The following THBS2 variants were observed in gnomAD, a reference collection of about 807,000 sequenced individuals.
The protein encoded by THBS2 is thrombospondin-2.
A neutral mutation model predicts 135.2 loss-of-function variants in THBS2; 47 were observed. The observed-to-expected ratio is 0.35, with a 90% CI of 0.28 to 0.44. The LOEUF is 0.44. THBS2 is among the 20% of genes least tolerant of loss of function. The pLI, the probability that THBS2 is intolerant of heterozygous loss-of-function variation, is 1.00. For synonymous variants in THBS2, 639 were observed against 633.8 expected (o/e 1.01, Z -0.12); for missense variants, 1,288 against 1,603.1 (o/e 0.80, Z 3.36).
intron 20 of THBS2, 87 bp downstream of exon 20, chr6:169,221,343 T>C: frequency 8.2e-7 from 1 of 1,220,342 alleles, no homozygotes; most frequent in Non-Finnish European, 1.2e-6. Flanking sequence ...TAGAATTCAC[T>C]TGAGCTTATT....
chr6:169,243,991 T>C (rs1342955703), intron 4 of THBS2, among the ~76,000 whole-genome samples: 1 of 152,222 alleles, frequency 6.6e-6, no homozygotes, highest in Non-Finnish European at 1.5e-5. Flanking sequence ...ACATAACCAG[T>C]GAAGAAGAAG....
chr6:169,224,352 G>A (rs752832593), intron 17 of THBS2, among the ~76,000 whole-genome samples: 8 of 152,162 alleles, frequency 5.3e-5, no homozygotes, highest in Non-Finnish European at 1.2e-4. Context: ...CTGCATGCCC[G>A]AACACGGAGT....
chr6:169,251,513 G>A (rs998545934), intron 1 of THBS2, among the ~76,000 whole-genome samples: 5 of 152,160 alleles, frequency 3.3e-5, no homozygotes, highest in African/African-American at 1.2e-4. Flanking sequence ...AAGCCCGGCT[G>A]GGCGATTAAC....
intron 14 of THBS2, 90 bp from the exon 15 acceptor site, chr6:169,228,371 G>T: frequency 6.9e-7 from 1 of 1,455,532 alleles, no homozygotes; most frequent in Non-Finnish European, 9.3e-7. Context: ...ACTCAAGGTT[G>T]ATGAAAATCA....
chr6:169,249,888 G>A (rs1424396065), intron 2 of THBS2, among the ~76,000 whole-genome samples: 1 of 152,138 alleles, frequency 6.6e-6, no homozygotes, highest in African/African-American at 2.4e-5. Context: ...AAATTAGCCA[G>A]GCATGGTTGT....
At position 169,240,564 on chromosome 6, in the gene THBS2, A is replaced by T. The variant is rs566629607; in HGVS notation, c.920T>A (p.Leu307His). 6.2e-7 allele frequency: 1 copy of T among 1,613,990 alleles called. No individual in the cohort carries two copies. Among genetic ancestry groups the T allele is most frequent in the African/African-American group, 1.3e-5 (1 of 75,040 alleles). The stretch of plus-strand genomic sequence containing the variant: ...CCTTGTCTTAGGAGGGCCACCAATG[A>T]GCTCCCAGAGAAACTGGTTATCATT... ...VSNDNQFLWE[L>H]IGGPPKTRNM... The change falls in exon 6 of 22, where the codon CTC becomes CAC. Residue 307 changes from leucine to histidine, a missense_variant. Leu to His is a moderately conservative substitution (Grantham distance 99). Coordinates refer to ENST00000617924, the MANE Select transcript of THBS2 (RefSeq NM_003247.5).
chr6:169,237,450 A>G, intron 8 of THBS2, 104 bp from the exon 9 acceptor site: 1 of 1,498,394 alleles, frequency 6.7e-7, no homozygotes, highest in South Asian at 1.2e-5. Context: ...GCTGCTGAGG[A>G]GAGGGAAGGA....
chr6:169,249,351 T>C (rs1780679684), intron 2 of THBS2, among the ~76,000 whole-genome samples: 1 of 152,204 alleles, frequency 6.6e-6, no homozygotes, highest in Non-Finnish European at 1.5e-5. Context: ...CTTGACATCC[T>C]GGCACATGTC....
At chr6:169,244,498 A>G (rs986289936) in intron 4 of THBS2, among the ~76,000 whole-genome samples, 1 of 152,106 alleles carries the variant, frequency 6.6e-6, no homozygotes, top group South Asian at 2.1e-4. Flanking sequence ...TGTGATTAGG[A>G]ACACCGCGAA....
intron 13 of THBS2, among the ~76,000 whole-genome samples, chr6:169,231,349 G>T (rs1273824647): frequency 1.3e-5 from 2 of 152,226 alleles, no homozygotes; most frequent in East Asian, 1.9e-4. Context: ...AGCGACGCCT[G>T]AGCCAGAGAA....
At position 169,222,305 on chromosome 6, in the gene THBS2, C is replaced by T. The variant is rs767259943; in HGVS notation, c.3165G>A (p.Thr1055=). The stretch of plus-strand genomic sequence containing the variant: ...ACACGCCGGAGTAGCCATAGGCCCG[C>T]GTGGGCTGGTCCTCCCAGTAGGTCT... ...VTQTYWEDQP[T]RAYGYSGVSL... Residue 1055 remains threonine (T), a synonymous_variant, in exon 19 of 22, where the codon ACG becomes ACA. Coordinates refer to ENST00000617924, the MANE Select transcript of THBS2 (RefSeq NM_003247.5). The T allele has an allele frequency of 1.4e-5, 23 of 1,613,372 alleles. No homozygotes were observed. Among genetic ancestry groups the T allele is most frequent in the Admixed American group, 3.3e-5 (2 of 60,006 alleles).
At chr6:169,242,023 A>G in intron 4 of THBS2, 65 bp from the exon 5 acceptor site, 6 of 1,532,380 alleles carry the variant, frequency 3.9e-6, no homozygotes, top group Non-Finnish European at 4.4e-6. Context: ...GGGGCTGGGA[A>G]CAGAGGGAGG....
chr6:169,246,226 C>A lies in THBS2; in HGVS notation c.665G>T (p.Ser222Ile). The change falls in exon 4 of 22, where the codon AGC (serine) becomes ATC (isoleucine). Residue 222 changes from serine (S) to isoleucine (I), a missense_variant. Transcript: ENST00000617924. ...CTGGCCTTGCTGGCAACCCTTCTTGCTTAGAATATCTTCCACAGAGTTTTC... is the reference window on the plus strand; with the variant it reads ...CTGGCCTTGCTGGCAACCCTTCTTGATTAGAATATCTTCCACAGAGTTTTC... ...VFENSVEDIL[S>I]KKGCQQGQGA... The A allele has an allele frequency of 6.2e-7, 1 of 1,613,938 alleles. No individual in the cohort carries two copies.
intron 17 of THBS2, among the ~76,000 whole-genome samples, chr6:169,224,858 G>A (rs753168412): frequency 4.6e-5 from 7 of 152,236 alleles, no homozygotes; most frequent in Admixed American, 1.3e-4. Context: ...CTAGGAGATC[G>A]TCAACAATCT....
At position 169,241,650 on chromosome 6, in the gene THBS2, A is replaced by T; in HGVS notation, c.891+112T>A. The T allele has an allele frequency of 8.9e-7, 1 of 1,128,194 alleles. No individual in the cohort carries two copies. The highest frequency in any genetic ancestry group is 1.3e-6 in the Non-Finnish European group (1 of 793,470). The allele number at this position is 1,128,194 out of a possible 1,614,324, so 69.9% of individuals were successfully genotyped here. A position where few individuals can be genotyped will look rare whatever the true frequency, so the allele number is the denominator to read the frequency against. On this transcript the variant is annotated intron_variant, in intron 5 of 21. Transcript: ENST00000617924. This position sits in a 1 kb window ranked among gnomAD's most constrained non-coding sequence, Gnocchi z 5.5. ...CCTCCCCTGTGAACTGTGGGTTTTTACATCGAGCATGAGGCACTGCCAAGC... is the reference window on the plus strand; with the variant it reads ...CCTCCCCTGTGAACTGTGGGTTTTTTCATCGAGCATGAGGCACTGCCAAGC...
intron 21 of THBS2, among the ~76,000 whole-genome samples, chr6:169,219,037 G>A (rs1001546238): frequency 1.4e-5 from 2 of 146,830 alleles, no homozygotes; most frequent in African/African-American, 5.1e-5. Flanking sequence ...GGATGGATGA[G>A]TAGGTGGGTG....
chr6:169,231,201 C>G (rs762165187), intron 13 of THBS2, among the ~76,000 whole-genome samples: 25 of 152,170 alleles, frequency 1.6e-4, no homozygotes, highest in Admixed American at 1.6e-3. Context: ...CCTGGATTAT[C>G]TGGGTGGGCC....
rs1427653785 is a variant in THBS2, at chr6:169,241,435, G to A, written c.891+327C>T. Among the ~76,000 whole-genome samples, 1 of 147,442 alleles carries A rather than the reference G, an allele frequency of 6.8e-6. No individual in the cohort carries two copies. The highest frequency in any genetic ancestry group is 1.5e-5 in the Non-Finnish European group (1 of 66,950). On this transcript the variant is annotated intron_variant, in intron 5 of 21. Transcript: ENST00000617924. This position sits in a 1 kb window ranked among gnomAD's most constrained non-coding sequence, Gnocchi z 5.5. ...TGTGTGTATGTGTGTGTATGTGTGT[G>A]TGTATGTGTGTGTGTGTGTGTACAC... is the stretch of plus-strand genomic sequence containing the variant.
chr6:169,233,125 G>C (rs1240633350), intron 10 of THBS2, 108 bp from the exon 11 acceptor site: 2 of 1,388,222 alleles, frequency 1.4e-6, no homozygotes, highest in Admixed American at 2.9e-5. Context: ...TCATCGAATT[G>C]TGTAGTCAGG....
Sources: gnomAD v4.1 joint callset for allele counts (sites outside exome capture counted in the v4.1 genomes callset) on GRCh38, gnomAD v4.1.1 for gene constraint, Gnocchi (gnomAD v3.1) non-coding constraint, MANE v1.5 for transcripts, NCBI Gene and HGNC (gene_info 2026-07-23, HGNC 2026-07-21) for gene names.